Variants in SLC12A8 observed in about 807,000 individuals in gnomAD.
SLC12A8 encodes cation-chloride cotransporter 9.
SLC12A8 carries 69 observed loss-of-function variants against 75.6 expected under a neutral mutation model. The observed-to-expected ratio is 0.91, with a 90% CI of 0.75 to 1.11. The LOEUF is 1.11. Ranked by LOEUF, SLC12A8 falls within the 50% of genes most tolerant of loss-of-function variation. The pLI is 0.00. For missense variants in SLC12A8, 877 were observed against 896.7 expected, an observed-to-expected ratio of 0.98 and a Z score of 0.28; for synonymous variants, 365 against 372.8, an observed-to-expected ratio of 0.98 and a Z score of 0.24.
Position 125,091,503 on chromosome 3 carries a change from A to T in SLC12A8, c.1857T>A (p.Val619=). ...MFVIQWVYTL[V]NMGVAAIVYF... ...ACACGATGGCAGCAACACCCATGTT[A>T]ACCAGGGTATACACCCACTGTATCA... The change falls in exon 12 of 14, where the codon GTT becomes GTA. Residue 619 remains valine, a synonymous_variant. Coordinates refer to ENST00000469902, the MANE Select transcript of SLC12A8 (RefSeq NM_024628.6). 6.2e-7 allele frequency: 1 copy of T among 1,614,056 alleles called. No individual in the cohort carries two copies. The highest frequency in any genetic ancestry group is 8.5e-7 in the Non-Finnish European group (1 of 1,179,916).
At chr3:125,104,507 G>GA (rs35777145) in intron 10 of SLC12A8, among the ~76,000 whole-genome samples, 4,180 of 125,156 alleles carry the variant, frequency 0.033, 155 homozygotes, top group African/African-American at 0.096. Flanking sequence ...GTTCAAATTA[G>GA]AAAAAAAAAA....
intron 5 of SLC12A8, among the ~76,000 whole-genome samples, chr3:125,177,379 C>T (rs940578525): frequency 9.3e-5 from 14 of 151,090 alleles, no homozygotes; most frequent in Admixed American, 3.3e-4. Flanking sequence ...ATGTAAATGA[C>T]GAGTTAATGG....
chr3:125,212,086 G>A (rs1037606753), intron 1 of SLC12A8, among the ~76,000 whole-genome samples: 1 of 152,104 alleles, frequency 6.6e-6, no homozygotes, highest in African/African-American at 2.4e-5. Context: ...GGACCCTTTG[G>A]TAGAAGGAGG....
intron 5 of SLC12A8, among the ~76,000 whole-genome samples, chr3:125,160,951 C>T (rs773259993): frequency 3.9e-5 from 6 of 152,158 alleles, no homozygotes; most frequent in East Asian, 1.9e-4. Context: ...TCCACATGCC[C>T]GGGTTCCGGG....
intron 2 of SLC12A8, among the ~76,000 whole-genome samples, chr3:125,200,471 G>C (rs1246987498): frequency 6.6e-6 from 1 of 151,890 alleles, no homozygotes; most frequent in African/African-American, 2.4e-5. Context: ...ACAACAACAA[G>C]AACTAACTTA....
chr3:125,202,863 G>A (rs566749253), intron 2 of SLC12A8, among the ~76,000 whole-genome samples: 2 of 151,862 alleles, frequency 1.3e-5, no homozygotes, highest in African/African-American at 2.4e-5. Flanking sequence ...CAAGGCGGGC[G>A]GATCACCTGA....
chr3:125,178,087 C>T, intron 4 of SLC12A8, 113 bp from the exon 5 acceptor site: 1 of 859,036 alleles, frequency 1.2e-6, no homozygotes, highest in Non-Finnish European at 1.9e-6. Context: ...TCACTGGCAC[C>T]AAGGCACAGT....
At position 125,083,803 on chromosome 3, in the gene SLC12A8, G is replaced by A. The variant is rs1162057827; in HGVS notation, c.*87C>T. The A allele has an allele frequency of 2.3e-5, 31 of 1,323,458 alleles. No individual in the cohort carries two copies. The highest frequency in any genetic ancestry group is 3.0e-5 in the Non-Finnish European group (29 of 958,760). 82.0% of individuals were successfully genotyped at this position (1,323,458 alleles called of 1,614,324 possible). A position where few individuals can be genotyped will look rare whatever the true frequency, so the allele number is the denominator to read the frequency against. On this transcript the variant is annotated 3_prime_UTR_variant, in exon 14 of 14. Coordinates refer to ENST00000469902, the MANE Select transcript of SLC12A8 (RefSeq NM_024628.6). ...GGGAGGATGGGTCTTGAGTTTCTCA[G>A]GTTGGAGAAGCAGCTCCACGAAGGT...
At chr3:125,179,078 C>A (rs186847832) in intron 4 of SLC12A8, among the ~76,000 whole-genome samples, 2 of 152,270 alleles carry the variant, frequency 1.3e-5, no homozygotes, top group African/African-American at 4.8e-5. Flanking sequence ...TCCTTCACTG[C>A]CCCCAGGGCC....
rs146507502 is a variant in SLC12A8, at chr3:125,192,533, G to A, written c.52-2012C>T. 414 of 154,164 alleles carry A rather than the reference G, an allele frequency of 2.7e-3. 1 individual carries two copies. The highest frequency in any genetic ancestry group is 6.2e-3 in the Admixed American group (95 of 15,304). The allele number at this position is 154,164 out of a possible 1,614,324, so 9.5% of individuals were successfully genotyped here. A position where few individuals can be genotyped will look rare whatever the true frequency, so the allele number is the denominator to read the frequency against. ...GACAGAAACCTTATTCCTCTTTCAC[G>A]CGTGCCTTCATTTTCCCATTCTGAA... On this transcript the variant is annotated intron_variant, in intron 2 of 13. Coordinates refer to ENST00000469902, the MANE Select transcript of SLC12A8 (RefSeq NM_024628.6).
At chr3:125,153,159 T>A (rs1933971834) in intron 5 of SLC12A8, among the ~76,000 whole-genome samples, 1 of 152,218 alleles carries the variant, frequency 6.6e-6, no homozygotes, top group African/African-American at 2.4e-5. Flanking sequence ...TGGATGCTGA[T>A]CCACTCTGGT....
At chr3:125,186,442 T>C (rs965816038) in intron 4 of SLC12A8, among the ~76,000 whole-genome samples, 2 of 152,346 alleles carry the variant, frequency 1.3e-5, no homozygotes, top group Admixed American at 6.5e-5. Flanking sequence ...ACAAAACCGA[T>C]GCTTTCTCTG....
intron 5 of SLC12A8, among the ~76,000 whole-genome samples, chr3:125,163,579 A>G (rs1229290939): frequency 6.7e-6 from 1 of 149,648 alleles, no homozygotes; most frequent in Admixed American, 6.7e-5. Context: ...AGCCTGGGCA[A>G]CAGAGCGAGA....
chr3:125,149,779 G>C (rs1478026038), intron 5 of SLC12A8, among the ~76,000 whole-genome samples: 2 of 151,974 alleles, frequency 1.3e-5, no homozygotes, highest in African/African-American at 4.8e-5. Flanking sequence ...AAAAGGATTG[G>C]GGAGAAAAAA....
intron 5 of SLC12A8, among the ~76,000 whole-genome samples, chr3:125,158,583 T>G (rs1051313592): frequency 6.6e-6 from 1 of 152,216 alleles, no homozygotes; most frequent in Non-Finnish European, 1.5e-5. Context: ...TTAGACAACT[T>G]AAGCTTTTTC....
chr3:125,190,309 C>A, intron 3 of SLC12A8, 66 bp downstream of exon 3: 1 of 1,574,692 alleles, frequency 6.4e-7, no homozygotes, highest in Non-Finnish European at 8.7e-7. Context: ...CTGTAGAATG[C>A]AAGAGTGGCA....
At position 125,130,232 on chromosome 3, in the gene SLC12A8, G is replaced by A. The variant is rs902521741; in HGVS notation, c.736+5437C>T. 5.3e-5 allele frequency among the ~76,000 whole-genome samples: 8 copies of A among 152,258 alleles called. No homozygotes were observed. In the East Asian group the frequency reaches 7.7e-4, roughly 15 times the overall value. On this transcript the variant is annotated intron_variant, in intron 6 of 13. Coordinates refer to ENST00000469902, the MANE Select transcript of SLC12A8 (RefSeq NM_024628.6). ...ATAGCTTTTTCAGCGGAAGGACAACGACACTCCATCTCTGAGCCAGAATGT... is the reference window on the plus strand; with the variant it reads ...ATAGCTTTTTCAGCGGAAGGACAACAACACTCCATCTCTGAGCCAGAATGT...
At chr3:125,105,474 G>T (rs1439280269) in intron 10 of SLC12A8, among the ~76,000 whole-genome samples, 1 of 152,060 alleles carries the variant, frequency 6.6e-6, no homozygotes, top group Non-Finnish European at 1.5e-5. Context: ...ACACAAAAAG[G>T]CATTTGACAG....
intron 2 of SLC12A8, among the ~76,000 whole-genome samples, chr3:125,207,443 G>A (rs1175302155): frequency 6.6e-6 from 1 of 152,178 alleles, no homozygotes; most frequent in Non-Finnish European, 1.5e-5. Context: ...CTAGCTGGAG[G>A]CACTTCTTAT....
Sources: gnomAD v4.1 joint callset for allele counts (sites outside exome capture counted in the v4.1 genomes callset) on GRCh38, gnomAD v4.1.1 for gene constraint, MANE v1.5 for transcripts, NCBI Gene and HGNC (gene_info 2026-07-23, HGNC 2026-07-21) for gene names.